MITF: variants seen among roughly 807,000 people sequenced by gnomAD.
MITF encodes the protein microphthalmia-associated transcription factor.
MITF carries 17 observed loss-of-function variants against 60.5 expected under a neutral mutation model. That is an observed-to-expected ratio of 0.28 (90% CI 0.19 to 0.42). The LOEUF is 0.42. MITF is among the 10% of genes least tolerant of loss of function. The probability of loss-of-function intolerance (pLI) is 1.00; values close to 1 mark genes in which losing one functional copy is unlikely to be tolerated. For synonymous variants in MITF, 260 were observed against 248.5 expected, an observed-to-expected ratio of 1.05 and a Z score of -0.43; for missense variants, 622 against 683.5, an observed-to-expected ratio of 0.91 and a Z score of 1.00.
intron 2 of MITF, among the ~76,000 whole-genome samples, chr3:69,900,707 A>C (rs534521605): frequency 1.3e-5 from 2 of 152,340 alleles, no homozygotes; most frequent in African/African-American, 4.8e-5. Context: ...TACTTTGGGA[A>C]TATTTGACAA....
chr3:69,810,403 G>A (rs780368402), intron 1 of MITF, among the ~76,000 whole-genome samples: 3 of 152,172 alleles, frequency 2.0e-5, no homozygotes, highest in Non-Finnish European at 4.4e-5. Context: ...TGCGTTTGCT[G>A]TAAGCTGGGT....
chr3:69,764,633 T>C (rs1383041695), intron 1 of MITF, among the ~76,000 whole-genome samples: 4 of 152,204 alleles, frequency 2.6e-5, no homozygotes, highest in South Asian at 2.1e-4. Context: ...TTTTGCACTT[T>C]GGACTGTCTT....
intron 1 of MITF, among the ~76,000 whole-genome samples, chr3:69,862,321 T>C (rs1423851665): frequency 6.6e-6 from 1 of 152,180 alleles, no homozygotes; most frequent in Admixed American, 6.5e-5. Context: ...GGGATCATAA[T>C]GAAACATTCC....
At chr3:69,940,781 G>C (rs1205444161) in intron 4 of MITF, among the ~76,000 whole-genome samples, 2 of 152,104 alleles carry the variant, frequency 1.3e-5, no homozygotes, top group Non-Finnish European at 2.9e-5. Flanking sequence ...GAAGTGCTGT[G>C]GTACATCTCT....
intron 1 of MITF, among the ~76,000 whole-genome samples, chr3:69,822,713 T>C (rs1428059663): frequency 6.6e-6 from 1 of 152,202 alleles, no homozygotes; most frequent in African/African-American, 2.4e-5. Flanking sequence ...GACTAAGTTA[T>C]TTCCCACATT....
At chr3:69,939,249 C>A in intron 4 of MITF, 68 bp downstream of exon 4, 1 of 1,359,424 alleles carries the variant, frequency 7.4e-7, no homozygotes, top group Non-Finnish European at 1.0e-6. Context: ...TGGTGGATCA[C>A]ACCTTCCTGA....
intron 2 of MITF, among the ~76,000 whole-genome samples, chr3:69,912,484 G>T (rs1011685833): frequency 6.6e-6 from 1 of 152,182 alleles, no homozygotes; most frequent in African/African-American, 2.4e-5. Flanking sequence ...GTGTTCATCA[G>T]AAACTTGCCA....
intron 2 of MITF, among the ~76,000 whole-genome samples, chr3:69,906,875 G>T (rs532163308): frequency 1.3e-5 from 2 of 152,062 alleles, no homozygotes; most frequent in Non-Finnish European, 2.9e-5. Flanking sequence ...AGCTGTCAAC[G>T]CACTCCCTTT....
chr3:69,834,568 C>A (rs184196130), intron 1 of MITF, among the ~76,000 whole-genome samples: 63 of 152,226 alleles, frequency 4.1e-4, no homozygotes, highest in African/African-American at 1.5e-3. Context: ...TTTATCCATT[C>A]ATCTGTTGTT....
intron 1 of MITF, among the ~76,000 whole-genome samples, chr3:69,741,444 C>T (rs912186381): frequency 1.2e-4 from 18 of 152,176 alleles, no homozygotes; most frequent in Admixed American, 8.5e-4. Flanking sequence ...TTTGAGAGAG[C>T]GAGGAAAATA....
intron 1 of MITF, among the ~76,000 whole-genome samples, chr3:69,825,060 T>A (rs2063333873): frequency 1.3e-5 from 2 of 152,326 alleles, no homozygotes; most frequent in African/African-American, 4.8e-5. Context: ...CTAAGTCTTG[T>A]TATAGTTAGT....
chr3:69,911,167 C>T (rs748448772), intron 2 of MITF, among the ~76,000 whole-genome samples: 8 of 152,162 alleles, frequency 5.3e-5, no homozygotes, highest in Non-Finnish European at 1.5e-5. Flanking sequence ...GCTTCTTCCT[C>T]ATTTTCTCTT....
rs1416760763 is a variant in MITF, at chr3:69,965,121, T to C, written c.1454T>C (p.Leu485Pro). The C allele has an allele frequency of 1.9e-6, 3 of 1,614,046 alleles. No homozygotes were observed. In the African/African-American group the frequency reaches 4.0e-5, roughly 22 times the overall value. Residue 485 changes from leucine (L) to proline (P), a missense_variant, in exon 10 of 10, where the codon CTG becomes CCG. Leu to Pro is a moderately conservative substitution (Grantham distance 98). Around this residue, in one of 5 missense-constraint regions of MITF, gnomAD observed 224 missense variants for 209.5 expected, o/e 1.07. Transcript: ENST00000352241. ...ATGGGATCCAAACTGGAAGACATCC[T>C]GATGGACGACACCCTTTCTCCCGTC... The part of the protein sequence containing the change: ...TKMGSKLEDI[L>P]MDDTLSPVGV...
chr3:69,877,416 C>T, intron 1 of MITF, among the ~76,000 whole-genome samples: 1 of 148,600 alleles, frequency 6.7e-6, no homozygotes, highest in Non-Finnish European at 1.5e-5. Flanking sequence ...TAACATTATT[C>T]TTATGCTTTT....
intron 7 of MITF, among the ~76,000 whole-genome samples, chr3:69,952,722 T>C (rs1297981547): frequency 2.6e-5 from 4 of 152,194 alleles, no homozygotes; most frequent in African/African-American, 4.8e-5. Context: ...ATTAAGAATA[T>C]AGACACATGC....
chr3:69,897,065 C>T, intron 2 of MITF, among the ~76,000 whole-genome samples: 1 of 152,042 alleles, frequency 6.6e-6, no homozygotes, highest in Admixed American at 6.6e-5. Context: ...GAAGGTAGGA[C>T]TAGGAGGGTA....
intron 2 of MITF, among the ~76,000 whole-genome samples, chr3:69,905,700 A>G (rs891770900): frequency 1.3e-5 from 2 of 151,880 alleles, no homozygotes; most frequent in African/African-American, 4.8e-5. Flanking sequence ...GGTGTGTAAT[A>G]CTATCTCATT....
At chr3:69,827,457 G>C (rs980937849) in intron 1 of MITF, among the ~76,000 whole-genome samples, 2 of 152,178 alleles carry the variant, frequency 1.3e-5, no homozygotes, top group African/African-American at 2.4e-5. Flanking sequence ...TATTTGTCTT[G>C]AATAGGAGAA....
At position 69,915,030 on chromosome 3, in the gene MITF, G is replaced by A. The variant is rs188585439; in HGVS notation, c.355-22792G>A. ...ACGTAGTTTAGTAGGTTCTTCATAG[G>A]TTCTAATGAAATGTAAACACCTTAC... is the stretch of plus-strand genomic sequence containing the variant. On this transcript the variant is annotated intron_variant, in intron 2 of 9. Transcript: ENST00000352241. Among the ~76,000 whole-genome samples the A allele has an allele frequency of 1.7e-3, 264 of 152,258 alleles. 1 individual carries two copies. Among genetic ancestry groups the A allele is most frequent in the African/African-American group, 6.2e-3 (259 of 41,552 alleles).
Sources: gnomAD v4.1 joint callset for allele counts (sites outside exome capture counted in the v4.1 genomes callset) on GRCh38, gnomAD v4.1.1 for gene constraint, gnomAD v4.1.1 regional missense constraint, MANE v1.5 for transcripts, NCBI Gene and HGNC (gene_info 2026-07-23, HGNC 2026-07-21) for gene names.